Variants in MAP2 observed in about 807,000 individuals in gnomAD.
MAP2 encodes microtubule associated protein 2.
MAP2 carries 14 observed loss-of-function variants against 137.6 expected under a neutral mutation model. That is an observed-to-expected ratio of 0.10 (90% CI 0.07 to 0.16). MAP2 has a LOEUF of 0.16. Ranked by LOEUF, MAP2 falls within the 10% of genes least tolerant of loss-of-function variation. The pLI, the probability that MAP2 is intolerant of heterozygous loss-of-function variation, is 1.00. For synonymous variants in MAP2, 786 were observed against 782.3 expected (o/e 1.00, Z -0.08); for missense variants, 2,088 against 2,191.5 (o/e 0.95, Z 0.94).
At chr2:209,586,181 T>C (rs1198271475) in intron 3 of MAP2, among the ~76,000 whole-genome samples, 2 of 151,920 alleles carry the variant, frequency 1.3e-5, no homozygotes, top group Admixed American at 6.6e-5. Flanking sequence ...AGCAAGAAGG[T>C]AGTGACTTCA....
intron 1 of MAP2, among the ~76,000 whole-genome samples, chr2:209,436,019 A>G (rs1293534473): frequency 7.3e-6 from 1 of 137,010 alleles, no homozygotes; most frequent in Admixed American, 7.6e-5. Context: ...TATATATTAT[A>G]TATAAAATAT....
chr2:209,455,354 T>G (rs924615846), intron 1 of MAP2, among the ~76,000 whole-genome samples: 2 of 152,226 alleles, frequency 1.3e-5, no homozygotes, highest in Admixed American at 6.5e-5. Flanking sequence ...TTATTTTGTC[T>G]TTATGAACAA....
intron 1 of MAP2, among the ~76,000 whole-genome samples, chr2:209,432,051 A>G (rs1206649548): frequency 6.6e-6 from 1 of 152,116 alleles, no homozygotes; most frequent in Non-Finnish European, 1.5e-5. Context: ...AACTATCCAT[A>G]CTGATGCCTC....
chr2:209,608,502 G>A (rs780342997), intron 3 of MAP2, among the ~76,000 whole-genome samples: 4 of 151,976 alleles, frequency 2.6e-5, no homozygotes, highest in Non-Finnish European at 5.9e-5. Context: ...GTCCAGGCTG[G>A]GAAATCTATT....
intron 1 of MAP2, among the ~76,000 whole-genome samples, chr2:209,500,008 C>T (rs981325775): frequency 1.1e-4 from 17 of 152,162 alleles, no homozygotes; most frequent in African/African-American, 4.1e-4. Context: ...GACTAATACA[C>T]ATATCCATGC....
chr2:209,724,814 C>T (rs182704204), intron 13 of MAP2, among the ~76,000 whole-genome samples: 10 of 152,304 alleles, frequency 6.6e-5, no homozygotes, highest in African/African-American at 2.2e-4. Context: ...ATGTGGTACT[C>T]TCATAAAAGG....
At chr2:209,487,055 A>G (rs989199869) in intron 1 of MAP2, among the ~76,000 whole-genome samples, 1 of 152,246 alleles carries the variant, frequency 6.6e-6, no homozygotes, top group Non-Finnish European at 1.5e-5. Flanking sequence ...ATGAAATGCA[A>G]TGATAATATT....
intron 4 of MAP2, among the ~76,000 whole-genome samples, chr2:209,640,359 A>G (rs2093923100): frequency 6.6e-6 from 1 of 152,160 alleles, no homozygotes; most frequent in Non-Finnish European, 1.5e-5. Context: ...ATACAGTTAA[A>G]AAATAATTAA....
At chr2:209,705,311 C>T (rs760454879) in intron 11 of MAP2, 10 of 229,662 alleles carry the variant, frequency 4.4e-5, no homozygotes, top group Non-Finnish European at 8.4e-5. Context: ...AGATTGAGTA[C>T]ATTTATTTTA....
chr2:209,534,276 C>T (rs1418714777), intron 2 of MAP2, among the ~76,000 whole-genome samples: 1 of 152,186 alleles, frequency 6.6e-6, no homozygotes, highest in Admixed American at 6.5e-5. Flanking sequence ...TTGGGATATC[C>T]ATTTTACAGA....
At chr2:209,647,200 A>G (rs988077782) in intron 4 of MAP2, among the ~76,000 whole-genome samples, 7 of 152,110 alleles carry the variant, frequency 4.6e-5, no homozygotes, top group African/African-American at 1.7e-4. Flanking sequence ...TAAACCATTC[A>G]TGAGAAAACC....
intron 5 of MAP2, among the ~76,000 whole-genome samples, chr2:209,676,450 C>G (rs2051505944): frequency 1.3e-5 from 2 of 151,486 alleles, no homozygotes; most frequent in Non-Finnish European, 3.0e-5. Context: ...AGGCTTAATA[C>G]CTGGGTGATA....
At chr2:209,535,217 A>G (rs1005596372) in intron 2 of MAP2, among the ~76,000 whole-genome samples, 2 of 152,180 alleles carry the variant, frequency 1.3e-5, no homozygotes, top group African/African-American at 4.8e-5. Context: ...CTTTCAGCTA[A>G]CGTGTTTTCA....
chr2:209,556,662 TAAA>T (rs111264428), intron 2 of MAP2, among the ~76,000 whole-genome samples: 8 of 108,450 alleles, frequency 7.4e-5, no homozygotes, highest in African/African-American at 2.0e-4. Flanking sequence ...TCTGGCCTAT[TAAA>T]AAAAAAAAAA....
chr2:209,503,647 C>T (rs1169047177), intron 1 of MAP2, among the ~76,000 whole-genome samples: 1 of 151,970 alleles, frequency 6.6e-6, no homozygotes, highest in East Asian at 1.9e-4. Context: ...TACCTAACAC[C>T]ATTTATTGAA....
intron 14 of MAP2, among the ~76,000 whole-genome samples, chr2:209,726,043 G>A (rs1010786975): frequency 1.3e-5 from 2 of 152,120 alleles, no homozygotes; most frequent in African/African-American, 2.4e-5. Context: ...TTATCTTTAT[G>A]TACTCAACAC....
At chr2:209,483,808 C>T (rs2058022902) in intron 1 of MAP2, among the ~76,000 whole-genome samples, 2 of 152,160 alleles carry the variant, frequency 1.3e-5, no homozygotes, top group Admixed American at 1.3e-4. Flanking sequence ...TTAAAGAGCA[C>T]ACACCATTTA....
chr2:209,585,602 G>A (rs1254560176), intron 3 of MAP2, among the ~76,000 whole-genome samples: 1 of 151,882 alleles, frequency 6.6e-6, no homozygotes, highest in Non-Finnish European at 1.5e-5. Flanking sequence ...TTTTCATTCA[G>A]CAGTGTCTTA....
chr2:209,655,689 C>T (rs2886577), intron 5 of MAP2, among the ~76,000 whole-genome samples: 5,042 of 152,120 alleles, frequency 0.033, 270 homozygotes, highest in African/African-American at 0.11. Context: ...TATGAGCTGG[C>T]GTAATATTTT....
Sources: allele counts gnomAD v4.1 joint callset (sites outside exome capture counted in the v4.1 genomes callset), GRCh38; gene constraint gnomAD v4.1.1; transcripts MANE v1.5; gene names NCBI Gene and HGNC (gene_info 2026-07-23, HGNC 2026-07-21).